GOLGB1: variants seen among roughly 807,000 people sequenced by gnomAD.
The protein encoded by GOLGB1 is golgin B1, also known as golgin subfamily B member 1.
Under a neutral mutation model 336.9 loss-of-function variants are expected in GOLGB1, and 174 were observed. The ratio of observed to expected loss-of-function variants is 0.52; its 90% confidence interval spans 0.46 to 0.59. The LOEUF (loss-of-function observed/expected upper bound fraction) is 0.59, where lower values mean the gene tolerates loss of function less well. Among genes scored for constraint, GOLGB1 ranks in the 20% least tolerant of loss-of-function variants. The probability of loss-of-function intolerance (pLI) is 0.00; values close to 1 mark genes in which losing one functional copy is unlikely to be tolerated. For missense variants in GOLGB1, 3,331 were observed against 3,645.3 expected, an observed-to-expected ratio of 0.91 and a Z score of 2.22; for synonymous variants, 1,208 against 1,289.2, an observed-to-expected ratio of 0.94 and a Z score of 1.35.
intron 1 of GOLGB1, among the ~76,000 whole-genome samples, chr3:121,737,801 A>G (rs1946583282): frequency 6.6e-6 from 1 of 152,212 alleles, no homozygotes; most frequent in South Asian, 2.1e-4. Flanking sequence ...AGAAGTGATG[A>G]GAGATACCTG....
intron 1 of GOLGB1, among the ~76,000 whole-genome samples, chr3:121,743,848 T>G (rs1391322704): frequency 6.6e-6 from 1 of 152,122 alleles, no homozygotes; most frequent in African/African-American, 2.4e-5. Flanking sequence ...CATCTCCCTA[T>G]GAATACTGAT....
chr3:121,724,938 T>C (rs1420618202), intron 5 of GOLGB1, among the ~76,000 whole-genome samples: 1 of 152,112 alleles, frequency 6.6e-6, no homozygotes, highest in East Asian at 1.9e-4. Flanking sequence ...GCTCAAAAGG[T>C]ACGAGTTGTA....
chr3:121,726,165 G>A (rs1945579436), intron 5 of GOLGB1, among the ~76,000 whole-genome samples: 1 of 151,386 alleles, frequency 6.6e-6, no homozygotes, highest in African/African-American at 2.4e-5. Context: ...AGGCATGGTG[G>A]CTCACACCTG....
chr3:121,716,599 C>T (rs567144928), intron 9 of GOLGB1, 138 bp downstream of exon 9: 1 of 642,552 alleles, frequency 1.6e-6, no homozygotes, highest in East Asian at 2.8e-5. Context: ...TCAAGAAGTT[C>T]AGAAGAGCTG....
intron 12 of GOLGB1, 53 bp from the exon 13 acceptor site, chr3:121,698,982 A>C: frequency 7.5e-7 from 1 of 1,325,826 alleles, no homozygotes; most frequent in East Asian, 2.4e-5. Context: ...ATAACATTAA[A>C]AAAATAGCCC....
intron 14 of GOLGB1, among the ~76,000 whole-genome samples, chr3:121,686,188 G>A (rs1363720674): frequency 2.0e-5 from 3 of 152,182 alleles, no homozygotes; most frequent in Non-Finnish European, 4.4e-5. Flanking sequence ...TTTCTTACAG[G>A]CCTCAATACT....
At chr3:121,716,431 C>A (rs1246730993) in intron 9 of GOLGB1, among the ~76,000 whole-genome samples, 1 of 152,152 alleles carries the variant, frequency 6.6e-6, no homozygotes, top group East Asian at 1.9e-4. Context: ...AAAACTAATT[C>A]AAATCCTTCT....
chr3:121,736,740 T>G (rs894708779), intron 1 of GOLGB1, among the ~76,000 whole-genome samples: 2 of 151,874 alleles, frequency 1.3e-5, no homozygotes, highest in African/African-American at 4.8e-5. Flanking sequence ...CCGTCTCTAC[T>G]AAAAAATACA....
In GOLGB1 at chr3:121,692,000, T is replaced by A. The variant is rs756679436; in HGVS notation, c.7364A>T (p.Lys2455Met). ...CTGTGCCTTTTGCTGAATGTTTTCC[T>A]TTTTGATGGTTTTCAGTGTTTCCAT... ...QLMETLKTIK[K>M]ENIQQKAQLD... Residue 2455 changes from lysine (K) to methionine (M), a missense_variant, in exon 14 of 22, where the codon AAG becomes ATG. Transcript: ENST00000614479. 3.1e-6 allele frequency: 5 copies of A among 1,613,666 alleles called. No individual in the cohort carries two copies. The East Asian group carries it at 8.9e-5, about 29-fold the overall frequency.
chr3:121,716,933 T>A lies in GOLGB1; in HGVS notation c.1092A>T (p.Leu364=). Residue 364 remains leucine, a synonymous_variant, in exon 9 of 22, where the codon CTA becomes CTT. Transcript: ENST00000614479. ...GCTCCAAAGCACTATACCGAGACTC[T>A]AGTTCAGCCTGGGCTTGGCCTGCTT... is the stretch of plus-strand genomic sequence containing the variant. ...FEQAGQAQAE[L]ESRYSALEQK... 1 of 1,613,668 alleles carries A rather than the reference T, an allele frequency of 6.2e-7. No individual in the cohort carries two copies. Among genetic ancestry groups the A allele is most frequent in the Non-Finnish European group, 8.5e-7 (1 of 1,179,556 alleles).
At chr3:121,724,344 T>C (rs146707221) in intron 5 of GOLGB1, among the ~76,000 whole-genome samples, 12 of 152,244 alleles carry the variant, frequency 7.9e-5, no homozygotes, top group Non-Finnish European at 1.6e-4. Context: ...AGGAACAAAG[T>C]ATCAGAAACT....
At chr3:121,683,385 T>C (rs1258933604) in intron 14 of GOLGB1, among the ~76,000 whole-genome samples, 1 of 152,138 alleles carries the variant, frequency 6.6e-6, no homozygotes, top group Non-Finnish European at 1.5e-5. Flanking sequence ...GTGCTTGAAG[T>C]CTTTCCCCTA....
At chr3:121,681,998 A>AGG (rs1941128405) in intron 14 of GOLGB1, 133 bp from the exon 15 acceptor site, 1 of 647,210 alleles carries the variant, frequency 1.5e-6, no homozygotes, top group African/African-American at 1.8e-5. Flanking sequence ...CTGATGACAT[A>AGG]TCACTGCAAC....
chr3:121,717,298 G>A (rs1192014834), intron 8 of GOLGB1, among the ~76,000 whole-genome samples, 159 bp from the exon 9 acceptor site: 1 of 152,164 alleles, frequency 6.6e-6, no homozygotes, highest in Non-Finnish European at 1.5e-5. Flanking sequence ...ATTAAGAAGA[G>A]AGGAGATGGC....
chr3:121,691,156 T>C lies in GOLGB1; in HGVS notation c.8208A>G (p.Ala2736=), dbSNP rs373767982. ...TAGACCTTCCAAAAGACTGAATTTG[T>C]GCTGTGAGACCTTTATTTTCTTTGG... The part of the protein sequence containing the change: ...MVTKENKGLT[A]QIQSFGRSMS... The change falls in exon 14 of 22, where the codon GCA becomes GCG. Residue 2736 remains alanine, a synonymous_variant. Transcript: ENST00000614479. 40 of 1,613,680 alleles carry C rather than the reference T, an allele frequency of 2.5e-5. No individual in the cohort carries two copies. In the African/African-American group the frequency reaches 5.3e-4, roughly 22 times the overall value.
intron 1 of GOLGB1, among the ~76,000 whole-genome samples, chr3:121,732,122 T>C (rs1946161240): frequency 6.6e-6 from 1 of 152,028 alleles, no homozygotes; most frequent in Admixed American, 6.5e-5. Context: ...CAAGAAGAAA[T>C]AGAGAACCTG....
intron 1 of GOLGB1, among the ~76,000 whole-genome samples, chr3:121,733,116 G>C (rs1946230023): frequency 6.6e-6 from 1 of 151,976 alleles, no homozygotes; most frequent in Admixed American, 6.6e-5. Flanking sequence ...GAGGTCAGGA[G>C]ATCGACACCA....
chr3:121,696,007 T>G lies in GOLGB1; in HGVS notation c.4516A>C (p.Ser1506Arg). Residue 1506 changes from serine (S) to arginine (R), a missense_variant, in exon 13 of 22, where the codon AGT (serine) becomes CGT (arginine). Transcript: ENST00000614479. ...GCCAAAGACAATTCCTCTTGGAGACTTTTGTTTTCTTTTAGTGCTTCTTTT... is the reference window on the plus strand; with the variant it reads ...GCCAAAGACAATTCCTCTTGGAGACGTTTGTTTTCTTTTAGTGCTTCTTTT... ...SRKEALKENK[S>R]LQEELSLARG... is the part of the protein sequence containing the mutation. 1 of 1,614,104 alleles carries G rather than the reference T, an allele frequency of 6.2e-7. No individual in the cohort carries two copies. The highest frequency in any genetic ancestry group is 8.5e-7 in the Non-Finnish European group (1 of 1,180,006).
rs1435592150 is a variant in GOLGB1, at chr3:121,692,581, C to G, written c.6783G>C (p.Arg2261Ser). The change falls in exon 14 of 22, where the codon AGG becomes AGC. Residue 2261 changes from arginine to serine, a missense_variant and splice_region_variant. Coordinates refer to ENST00000614479, the MANE Select transcript of GOLGB1 (RefSeq NM_001366282.2). ...CCCAAATCTGCTTGTCATGTTCAAG[C>G]CTGAAACAGAGAGAAGGTCATTAGT... ...HMEELKINIS[R>S]LEHDKQIWES... 2 of 1,548,512 alleles carry G rather than the reference C, an allele frequency of 1.3e-6. No homozygotes were observed. Among genetic ancestry groups the G allele is most frequent in the Non-Finnish European group, 1.7e-6 (2 of 1,149,982 alleles).
Sources: allele counts gnomAD v4.1 joint callset (sites outside exome capture counted in the v4.1 genomes callset), GRCh38; gene constraint gnomAD v4.1.1; transcripts MANE v1.5; gene names NCBI Gene and HGNC (gene_info 2026-07-23, HGNC 2026-07-21).